Variants in RNF10 observed in about 807,000 individuals in gnomAD.
RNF10 encodes E3 ubiquitin-protein ligase RNF10.
Under a neutral mutation model 91.4 loss-of-function variants are expected in RNF10, and 38 were observed. That is an observed-to-expected ratio of 0.42 (90% CI 0.32 to 0.54). The LOEUF is 0.54. Among genes scored for constraint, RNF10 ranks in the 20% least tolerant of loss-of-function variants. RNF10 has a pLI of 0.16. For synonymous variants in RNF10, 364 were observed against 366.3 expected, an observed-to-expected ratio of 0.99 and a Z score of 0.07; for missense variants, 945 against 1,012.0, an observed-to-expected ratio of 0.93 and a Z score of 0.90.
intron 6 of RNF10, among the ~76,000 whole-genome samples, chr12:120,560,416 A>G (rs1468177273): frequency 6.6e-6 from 1 of 151,938 alleles, no homozygotes; most frequent in Non-Finnish European, 1.5e-5. Flanking sequence ...GACCTCCCAA[A>G]GTGCTGGGAT....
chr12:120,553,401 CTTTT>C (rs1243050601), intron 3 of RNF10, among the ~76,000 whole-genome samples: 3 of 95,050 alleles, frequency 3.2e-5, no homozygotes, highest in Non-Finnish European at 6.4e-5. Context: ...AAGAGGAATT[CTTTT>C]TTTTTTTTTT....
At chr12:120,570,016 C>T (rs953426006) in intron 13 of RNF10, among the ~76,000 whole-genome samples, 2 of 151,956 alleles carry the variant, frequency 1.3e-5, no homozygotes, top group African/African-American at 4.8e-5. Flanking sequence ...CCCCAGCCTC[C>T]TGAGTAGCTG....
chr12:120,566,947 TCTC>T lies in RNF10; in HGVS notation c.2012_2014del (p.Pro671del). ...CGAGGGCCATGGGGCCCTCTCCATT[TCTC>T]CTCTCAGCAGAAGTCCAGGTTCCCA... On this transcript the variant is annotated inframe_deletion, in exon 13 of 17. Coordinates refer to ENST00000325954, the MANE Select transcript of RNF10 (RefSeq NM_014868.5). 6.2e-7 allele frequency: 1 copy of T among 1,609,926 alleles called. No individual in the cohort carries two copies. Among genetic ancestry groups the T allele is most frequent in the South Asian group, 1.1e-5 (1 of 90,262 alleles).
chr12:120,542,526 G>A (rs1490843619), intron 1 of RNF10, among the ~76,000 whole-genome samples: 1 of 152,068 alleles, frequency 6.6e-6, no homozygotes, highest in African/African-American at 2.4e-5. Flanking sequence ...GAAGTAATAG[G>A]TAAAAGTTTA....
At chr12:120,544,654 T>G (rs371787819) in intron 1 of RNF10, among the ~76,000 whole-genome samples, 186 of 152,312 alleles carry the variant, frequency 1.2e-3, no homozygotes, top group African/African-American at 4.4e-3. Flanking sequence ...AAACCTTGTC[T>G]CTAAATAAAT....
chr12:120,562,746 A>G (rs996774026), intron 7 of RNF10, among the ~76,000 whole-genome samples, 199 bp from the exon 8 acceptor site: 2 of 152,134 alleles, frequency 1.3e-5, no homozygotes, highest in Non-Finnish European at 1.5e-5. Context: ...GCAGATTCCA[A>G]TCCTTAGTGG....
chr12:120,548,962 G>T (rs913115597), intron 2 of RNF10, among the ~76,000 whole-genome samples: 9 of 152,104 alleles, frequency 5.9e-5, no homozygotes, highest in Non-Finnish European at 2.9e-5. Flanking sequence ...GAGCCACCGC[G>T]CCCGGCTGAG....
chr12:120,556,783 C>T (rs1874090558), intron 4 of RNF10, among the ~76,000 whole-genome samples: 1 of 151,508 alleles, frequency 6.6e-6, no homozygotes, highest in African/African-American at 2.4e-5. Flanking sequence ...AATGTAGAAC[C>T]CCCAACATAC....
rs534549383 is a variant in RNF10 at position 120,556,989 on chromosome 12, A to G, written c.646-293A>G. On this transcript the variant is annotated intron_variant, in intron 4 of 16. Coordinates refer to ENST00000325954, the MANE Select transcript of RNF10 (RefSeq NM_014868.5). ...AACACAGTGAAACCCCGTCTCTACT[A>G]AAAAATTAGCTGAGCGTGGTGGCAG... Among the ~76,000 whole-genome samples, 819 of 151,928 alleles carry G rather than the reference A, an allele frequency of 5.4e-3. 4 individuals are homozygous for G. Among genetic ancestry groups the G allele is most frequent in the Non-Finnish European group, 8.7e-3 (594 of 67,940 alleles).
rs1870447888 is a variant in RNF10, at chr12:120,534,596, C to T, written c.-216C>T. 2.6e-6 allele frequency: 3 copies of T among 1,164,246 alleles called. No individual in the cohort carries two copies. Among genetic ancestry groups the T allele is most frequent in the East Asian group, 3.4e-5 (1 of 29,134 alleles). The allele number at this position is 1,164,246 out of a possible 1,614,324, so 72.1% of individuals were successfully genotyped here. A position where few individuals can be genotyped will look rare whatever the true frequency, so the allele number is the denominator to read the frequency against. On this transcript the variant is annotated 5_prime_UTR_variant, in exon 1 of 17. Transcript: ENST00000325954. Reference sequence around the variant, plus strand: ...GGCCCGGACTCCCGAGCCCCGGCCTCCTCGTCCTCGGTCGCCGCTGCCGCC... The same window carrying T: ...GGCCCGGACTCCCGAGCCCCGGCCTTCTCGTCCTCGGTCGCCGCTGCCGCC...
At chr12:120,571,102 C>T (rs1876553564) in intron 13 of RNF10, 89 bp from the exon 14 acceptor site, 4 of 772,566 alleles carry the variant, frequency 5.2e-6, no homozygotes, top group East Asian at 2.7e-5. Flanking sequence ...TGTAATTTTC[C>T]AGACCTGACT....
rs1481535562 is a variant in RNF10, at chr12:120,556,526, G to A, written c.646-756G>A. 2.4e-4 allele frequency among the ~76,000 whole-genome samples: 16 copies of A among 66,164 alleles called. No homozygotes were observed. In the East Asian group the frequency reaches 4.8e-3, roughly 20 times the overall value. The allele number at this position is 66,164 out of a possible 152,430, so 43.4% of individuals were successfully genotyped here. A position where few individuals can be genotyped will look rare whatever the true frequency, so the allele number is the denominator to read the frequency against. On this transcript the variant is annotated intron_variant, in intron 4 of 16. Transcript: ENST00000325954. Reference sequence around the variant, plus strand: ...AGCCTGGGTGACAGAGTGAGACTCCGTCTCAAAAAAAAAAAAAAAAAAAAA... The same window carrying A: ...AGCCTGGGTGACAGAGTGAGACTCCATCTCAAAAAAAAAAAAAAAAAAAAA...
At position 120,550,116 on chromosome 12, in the gene RNF10, A is replaced by C. The variant is rs902520983; in HGVS notation, c.355-2383A>C. Among the ~76,000 whole-genome samples, 74 of 152,200 alleles carry C rather than the reference A, an allele frequency of 4.9e-4. 1 individual carries two copies. Among genetic ancestry groups the C allele is most frequent in the Admixed American group, 4.8e-3 (74 of 15,262 alleles). ...GTAAAAAGTCCATTTTAATATGTTT[A>C]ATATATTAAATTCAATATATCTAAA... is the stretch of plus-strand genomic sequence containing the variant. On this transcript the variant is annotated intron_variant, in intron 2 of 16. Coordinates refer to ENST00000325954, the MANE Select transcript of RNF10 (RefSeq NM_014868.5).
At position 120,546,539 on chromosome 12, in the gene RNF10, C is replaced by T; in HGVS notation, c.292C>T (p.Gln98Ter). 1.9e-6 allele frequency: 3 copies of T among 1,614,190 alleles called. No homozygotes were observed. Among genetic ancestry groups the T allele is most frequent in the East Asian group, 2.2e-5 (1 of 44,888 alleles). Residue 98 changes from glutamine (Q) to a stop codon, truncating the protein, a stop_gained, in exon 2 of 17, where the codon CAA (glutamine) becomes TAA (stop). Coordinates refer to ENST00000325954, the MANE Select transcript of RNF10 (RefSeq NM_014868.5). LOFTEE classifies it high-confidence loss of function. ...KSKTFNKMPP[Q>*]RGGGSSKLFS... ...CAAGACTTTTAACAAGATGCCTCCT[C>T]AAAGGGGCGGCGGCAGCAGCAAACT...
chr12:120,551,196 G>T (rs1872995354), intron 2 of RNF10, among the ~76,000 whole-genome samples: 2 of 151,038 alleles, frequency 1.3e-5, no homozygotes, highest in East Asian at 1.9e-4. Flanking sequence ...GTGTTGTCTA[G>T]ACTGGTCTCA....
intron 11 of RNF10, 116 bp from the exon 12 acceptor site, chr12:120,565,311 TC>T (rs1875530902): frequency 8.8e-7 from 1 of 1,138,954 alleles, no homozygotes; most frequent in Admixed American, 1.8e-5. Flanking sequence ...CCTAAACACT[TC>T]ATCTGTTCAT....
At position 120,557,284 on chromosome 12, in the gene RNF10, C is replaced by A; in HGVS notation, c.648C>A (p.Arg216=). The change falls in exon 5 of 17, where the codon CGC becomes CGA. Residue 216 remains arginine, a splice_region_variant and synonymous_variant. Coordinates refer to ENST00000325954, the MANE Select transcript of RNF10 (RefSeq NM_014868.5). ...CTTCTGGTGGCATTTTGTTTCAGCG[C>A]ATTTGTAGCCATGAAGTGCCATCTT... ...LVNWDFVEQV[R]ICSHEVPSCP... The A allele has an allele frequency of 6.2e-7, 1 of 1,613,760 alleles. No individual in the cohort carries two copies. Among genetic ancestry groups the A allele is most frequent in the Non-Finnish European group, 8.5e-7 (1 of 1,179,778 alleles).
chr12:120,569,490 T>C (rs1325252013), intron 13 of RNF10, among the ~76,000 whole-genome samples: 1 of 149,678 alleles, frequency 6.7e-6, no homozygotes, highest in East Asian at 2.0e-4. Context: ...AAAAGGAGCA[T>C]ACGAAGGACT....
At chr12:120,568,733 C>T (rs1876148098) in intron 13 of RNF10, among the ~76,000 whole-genome samples, 1 of 152,022 alleles carries the variant, frequency 6.6e-6, no homozygotes, top group Non-Finnish European at 1.5e-5. Context: ...GCCTCAACCT[C>T]CCAAAGTGCT....
Sources: gnomAD v4.1 joint callset for allele counts (sites outside exome capture counted in the v4.1 genomes callset) on GRCh38, gnomAD v4.1.1 for gene constraint, MANE v1.5 for transcripts, NCBI Gene and HGNC (gene_info 2026-07-23, HGNC 2026-07-21) for gene names.